ZNF473: variants seen among roughly 807,000 people sequenced by gnomAD.
ZNF473 encodes the protein zinc finger protein 100 homolog.
Under a neutral mutation model 11.1 loss-of-function variants are expected in ZNF473, and 4 were observed. The observed-to-expected ratio is 0.36, with a 90% confidence interval of 0.18 to 0.82. The LOEUF (loss-of-function observed/expected upper bound fraction) is 0.82, where lower values mean the gene tolerates loss of function less well. Among genes scored for constraint, ZNF473 ranks in the 40% least tolerant of loss-of-function variants. ZNF473 has a pLI of 0.49. For synonymous variants in ZNF473, 404 were observed against 390.4 expected, an observed-to-expected ratio of 1.03 and a Z score of -0.41; for missense variants, 854 against 1,084.0, an observed-to-expected ratio of 0.79 and a Z score of 2.98.
At position 50,039,350 on chromosome 19, in the gene ZNF473, T is replaced by C; in HGVS notation, c.136+63T>C. On this transcript the variant is annotated intron_variant, in intron 3 of 4. Transcript: ENST00000270617. The surrounding 1 kb of genome is among the most constrained non-coding windows in gnomAD (Gnocchi z 4.8). ...CTGCTTGGTGATCACCCATGCTCTCTACCACCCACAGGGTGAAGTCCTGGC... is the reference window on the plus strand; with the variant it reads ...CTGCTTGGTGATCACCCATGCTCTCCACCACCCACAGGGTGAAGTCCTGGC... The C allele has an allele frequency of 6.3e-7, 1 of 1,593,946 alleles. No individual in the cohort carries two copies. Among genetic ancestry groups the C allele is most frequent in the South Asian group, 1.1e-5 (1 of 88,882 alleles).
intron 1 of ZNF473, among the ~76,000 whole-genome samples, chr19:50,028,293 G>A (rs987832646): frequency 8.7e-4 from 119 of 137,042 alleles, no homozygotes; most frequent in Middle Eastern, 3.9e-3. Flanking sequence ...ACGAGACTCC[G>A]TCTCAAAAAA....
At chr19:50,031,946 A>G (rs796553063) in intron 2 of ZNF473, among the ~76,000 whole-genome samples, 4 of 151,974 alleles carry the variant, frequency 2.6e-5, no homozygotes, top group African/African-American at 4.8e-5. Flanking sequence ...TGGCCCACAC[A>G]GTCCCCGATA....
intron 2 of ZNF473, among the ~76,000 whole-genome samples, chr19:50,034,968 T>C (rs2077337308): frequency 6.6e-6 from 1 of 152,204 alleles, no homozygotes; most frequent in African/African-American, 2.4e-5. Flanking sequence ...CGCTATCATT[T>C]CTTTTCATGT....
rs1396313787 is a variant in ZNF473 at position 50,045,755 on chromosome 19, A to C, written c.1312A>C (p.Lys438Gln). The change falls in exon 5 of 5, where the codon AAG (lysine) becomes CAG (glutamine). Residue 438 changes from lysine (K) to glutamine (Q), a missense_variant. Lys to Gln is a moderately conservative substitution (Grantham distance 53). Transcript: ENST00000270617. The stretch of plus-strand genomic sequence containing the variant: ...GCCTTACAAATGCAGTGAGTGTGGG[A>C]AGGCCTTCCACCGGCACACTCACCT... ...EKPYKCSECG[K>Q]AFHRHTHLNE... 1 of 1,614,106 alleles carries C rather than the reference A, an allele frequency of 6.2e-7. No homozygotes were observed. The highest frequency in any genetic ancestry group is 8.5e-7 in the Non-Finnish European group (1 of 1,180,028).
intron 1 of ZNF473, 149 bp from the exon 2 acceptor site, chr19:50,030,743 A>G (rs892541911): frequency 2.0e-5 from 8 of 409,390 alleles, no homozygotes; most frequent in Admixed American, 1.4e-4. Flanking sequence ...ATAGACTTTC[A>G]TCACCAAATC....
At chr19:50,031,612 A>G (rs1213122594) in intron 2 of ZNF473, among the ~76,000 whole-genome samples, 1 of 151,798 alleles carries the variant, frequency 6.6e-6, no homozygotes, top group African/African-American at 2.4e-5. Flanking sequence ...AGCCTTCCAT[A>G]GTACCCCCTG....
Position 50,030,996 on chromosome 19 carries a change from C to G in ZNF473, c.-87C>G, listed in dbSNP as rs776417083. ...GTGGAAGGGAGGCTTTCTCACAGCT[C>G]CCTTGTGCTTCCCACAGCCCTGCCA... On this transcript the variant is annotated 5_prime_UTR_variant, in exon 2 of 5. Transcript: ENST00000270617. 52 of 1,541,096 alleles carry G rather than the reference C, an allele frequency of 3.4e-5. No individual in the cohort carries two copies. The highest frequency in any genetic ancestry group is 1.8e-4 in the Admixed American group (9 of 51,024).
chr19:50,028,500 A>G (rs1054452611), intron 1 of ZNF473, among the ~76,000 whole-genome samples: 1 of 147,160 alleles, frequency 6.8e-6, no homozygotes, highest in Non-Finnish European at 1.5e-5. Flanking sequence ...TGCCACCACA[A>G]CTTGCTCATT....
At chr19:50,035,452 C>CAT (rs147048927) in intron 2 of ZNF473, among the ~76,000 whole-genome samples, 1 of 138,394 alleles carries the variant, frequency 7.2e-6, no homozygotes, top group South Asian at 2.5e-4. Context: ...TTCTTTCATA[C>CAT]GTGTGTGTGT....
intron 2 of ZNF473, among the ~76,000 whole-genome samples, chr19:50,038,860 T>A (rs1350998689): frequency 6.6e-6 from 1 of 152,196 alleles, no homozygotes; most frequent in East Asian, 1.9e-4. Context: ...AAATAAGTCT[T>A]GAATGAACAC....
intron 2 of ZNF473, among the ~76,000 whole-genome samples, chr19:50,035,218 A>C (rs1259626989): frequency 6.6e-6 from 1 of 152,176 alleles, no homozygotes; most frequent in East Asian, 1.9e-4. Context: ...CAGGAGCCCA[A>C]GAAGGTTGAG....
Position 50,047,736 on chromosome 19 carries a change from T to C in ZNF473, c.*677T>C, listed in dbSNP as rs1193359741. On this transcript the variant is annotated 3_prime_UTR_variant, in exon 5 of 5. Transcript: ENST00000270617. Reference sequence around the variant, plus strand: ...TAGCTACAACCTTCCACTCCTAACCTCCCAAGCTTCTCACTTAAAGAGGAC... The same window carrying C: ...TAGCTACAACCTTCCACTCCTAACCCCCCAAGCTTCTCACTTAAAGAGGAC... 1 of 152,188 alleles carries C rather than the reference T, an allele frequency of 6.6e-6. No homozygotes were observed. The highest frequency in any genetic ancestry group is 6.5e-5 in the Admixed American group (1 of 15,274). 9.4% of individuals were successfully genotyped at this position (152,188 alleles called of 1,614,324 possible).
At chr19:50,033,137 A>G (rs940940520) in intron 2 of ZNF473, among the ~76,000 whole-genome samples, 2 of 152,152 alleles carry the variant, frequency 1.3e-5, no homozygotes, top group Non-Finnish European at 2.9e-5. Flanking sequence ...AATCCCATAG[A>G]ATGCAGGCAG....
At chr19:50,041,631 TA>T in intron 3 of ZNF473, 98 bp from the exon 4 acceptor site, 2 of 1,053,344 alleles carry the variant, frequency 1.9e-6, no homozygotes, top group Non-Finnish European at 2.8e-6. Flanking sequence ...ACGTGCAGGA[TA>T]AAGCATAGAA....
chr19:50,027,032 T>C (rs10425942), intron 1 of ZNF473, among the ~76,000 whole-genome samples: 8,088 of 152,198 alleles, frequency 0.053, 707 homozygotes, highest in African/African-American at 0.18. Context: ...CTGCTGGAGT[T>C]GCATTTCCTC....
In ZNF473 at chr19:50,045,960, A is replaced by G; in HGVS notation, c.1517A>G (p.Gln506Arg). Reference protein sequence around the residue: ...FSDNNRLVQHQKMHTVKTPYE... With the variant: ...FSDNNRLVQHRKMHTVKTPYE... ...GATAACAATCGCCTTGTGCAACACC[A>G]GAAAATGCACACTGTCAAAACCCCA... Residue 506 changes from glutamine to arginine, a missense_variant, in exon 5 of 5, where the codon CAG becomes CGG. Coordinates refer to ENST00000270617, the MANE Select transcript of ZNF473 (RefSeq NM_015428.4). 1 of 1,614,218 alleles carries G rather than the reference A, an allele frequency of 6.2e-7. No homozygotes were observed. The highest frequency in any genetic ancestry group is 1.1e-5 in the South Asian group (1 of 91,086).
chr19:50,037,031 C>T (rs965651644), intron 2 of ZNF473, among the ~76,000 whole-genome samples: 1 of 152,188 alleles, frequency 6.6e-6, no homozygotes, highest in African/African-American at 2.4e-5. Flanking sequence ...TTCAGTGACT[C>T]ACTGCACCTA....
intron 2 of ZNF473, among the ~76,000 whole-genome samples, chr19:50,038,852 A>G (rs1978613562): frequency 6.6e-6 from 1 of 152,242 alleles, no homozygotes. Context: ...AGTTTACAAA[A>G]TAAGTCTTGA....
At chr19:50,034,576 G>T (rs1219786240) in intron 2 of ZNF473, among the ~76,000 whole-genome samples, 1 of 152,006 alleles carries the variant, frequency 6.6e-6, no homozygotes, top group Non-Finnish European at 1.5e-5. Context: ...TAAGTAACCT[G>T]ATTTTTATGA....
Sources: gnomAD v4.1 joint callset for allele counts (sites outside exome capture counted in the v4.1 genomes callset) on GRCh38, gnomAD v4.1.1 for gene constraint, Gnocchi (gnomAD v3.1) non-coding constraint, MANE v1.5 for transcripts, NCBI Gene and HGNC (gene_info 2026-07-23, HGNC 2026-07-21) for gene names.